The following RALGPS1 variants were observed in gnomAD, a reference collection of about 807,000 sequenced individuals.
RALGPS1 encodes ras-specific guanine nucleotide-releasing factor RalGPS1.
A neutral mutation model predicts 78.8 loss-of-function variants in RALGPS1; 19 were observed. The observed-to-expected ratio is 0.24, with a 90% CI of 0.17 to 0.35. The LOEUF is 0.35. Among genes scored for constraint, RALGPS1 ranks in the 10% least tolerant of loss-of-function variants. RALGPS1 has a pLI of 1.00. For missense variants in RALGPS1, 454 were observed against 688.3 expected, an observed-to-expected ratio of 0.66 and a Z score of 3.81; for synonymous variants, 228 against 256.3, an observed-to-expected ratio of 0.89 and a Z score of 1.06.
intron 11 of RALGPS1, among the ~76,000 whole-genome samples, chr9:127,193,462 G>A (rs1028216635): frequency 6.6e-6 from 1 of 152,146 alleles, no homozygotes; most frequent in Non-Finnish European, 1.5e-5. Context: ...TTGGGAAGGA[G>A]GGGGGACAGC....
chr9:126,960,040 G>A lies in RALGPS1; in HGVS notation c.-65-2185G>A, dbSNP rs185152156. 6.6e-5 allele frequency among the ~76,000 whole-genome samples: 10 copies of A among 152,264 alleles called. No individual in the cohort carries two copies. The East Asian group carries it at 1.7e-3, about 26-fold the overall frequency. ...TAACTGAAGTGGATATATTGTATTG[G>A]AGCAACTTTGAGGGATGAGAGAAGA... On this transcript the variant is annotated intron_variant, in intron 1 of 18. Transcript: ENST00000259351.
chr9:126,954,279 T>C (rs1018724469), intron 1 of RALGPS1, among the ~76,000 whole-genome samples: 3 of 152,088 alleles, frequency 2.0e-5, no homozygotes, highest in Non-Finnish European at 4.4e-5. Flanking sequence ...TCTCTTCTTT[T>C]CCCCCTGCAT....
chr9:127,141,420 C>T (rs2057763979), intron 8 of RALGPS1, among the ~76,000 whole-genome samples: 2 of 152,118 alleles, frequency 1.3e-5, no homozygotes, highest in Non-Finnish European at 2.9e-5. Flanking sequence ...CTAGCCATCT[C>T]GCTTTCCTTG....
At chr9:127,187,977 C>G (rs1372025153) in intron 11 of RALGPS1, among the ~76,000 whole-genome samples, 1 of 151,912 alleles carries the variant, frequency 6.6e-6, no homozygotes. Context: ...GAATCAACCT[C>G]CAGGGGTGGC....
rs578087485 is a variant in RALGPS1, at chr9:127,063,851, A to G, written c.484-5379A>G. On this transcript the variant is annotated intron_variant, in intron 7 of 18. Coordinates refer to ENST00000259351, the MANE Select transcript of RALGPS1 (RefSeq NM_014636.3). ...CTTTTATTTGGTCTTTTGCCCAAGA[A>G]TTATTTGAATATTCAAAATTTTCCA... Among the ~76,000 whole-genome samples, 45 of 152,362 alleles carry G rather than the reference A, an allele frequency of 3.0e-4. 1 individual carries two copies. The highest frequency in any genetic ancestry group is 2.9e-3 in the Admixed American group (45 of 15,306).
intron 1 of RALGPS1, among the ~76,000 whole-genome samples, chr9:126,920,452 C>A (rs2034637529): frequency 6.6e-6 from 1 of 152,120 alleles, no homozygotes; most frequent in African/African-American, 2.4e-5. Context: ...GAAAAATGGA[C>A]AAGTCTGGAA....
At chr9:126,957,604 TA>T (rs1280138603) in intron 1 of RALGPS1, among the ~76,000 whole-genome samples, 3 of 152,194 alleles carry the variant, frequency 2.0e-5, no homozygotes, top group Non-Finnish European at 4.4e-5. Flanking sequence ...TGTTCTGGCT[TA>T]GAACAGACAG....
intron 8 of RALGPS1, among the ~76,000 whole-genome samples, chr9:127,113,708 T>C (rs1323557213): frequency 1.3e-5 from 2 of 152,256 alleles, no homozygotes; most frequent in African/African-American, 2.4e-5. Flanking sequence ...GCATGGGTTT[T>C]CCCTCCCCAC....
At chr9:127,127,387 A>C (rs1444427524) in intron 8 of RALGPS1, among the ~76,000 whole-genome samples, 1 of 152,196 alleles carries the variant, frequency 6.6e-6, no homozygotes, top group African/African-American at 2.4e-5. Flanking sequence ...CCTCCATTTC[A>C]GGAACTGGAA....
intron 7 of RALGPS1, among the ~76,000 whole-genome samples, chr9:127,059,416 A>G (rs2135570238): frequency 6.6e-6 from 1 of 152,298 alleles, no homozygotes; most frequent in Admixed American, 6.5e-5. Flanking sequence ...ATCTCAGTCA[A>G]ATCTGCTGAC....
intron 4 of RALGPS1, chr9:127,016,922 CAGTT>C (rs1184247831): frequency 8.5e-5 from 13 of 152,116 alleles, no homozygotes; most frequent in African/African-American, 3.1e-4. Flanking sequence ...CTTTTTACAT[CAGTT>C]AGAGCTGTGT....
intron 6 of RALGPS1, among the ~76,000 whole-genome samples, chr9:127,051,161 C>T (rs954224083): frequency 1.3e-5 from 2 of 152,210 alleles, no homozygotes; most frequent in African/African-American, 4.8e-5. Flanking sequence ...ATGCATTCTC[C>T]TGAAGTACTT....
chr9:127,169,884 G>T (rs1384083408), intron 10 of RALGPS1, among the ~76,000 whole-genome samples: 1 of 152,208 alleles, frequency 6.6e-6, no homozygotes, highest in Non-Finnish European at 1.5e-5. Context: ...GCTAGGCTAA[G>T]CTATGGTGTT....
chr9:127,142,164 C>A (rs145124870), intron 8 of RALGPS1, among the ~76,000 whole-genome samples: 1 of 152,152 alleles, frequency 6.6e-6, no homozygotes, highest in African/African-American at 2.4e-5. Context: ...CTAGATGCCT[C>A]GTCACATCAT....
chr9:126,998,772 T>A (rs1197621149), intron 4 of RALGPS1, among the ~76,000 whole-genome samples: 2 of 151,920 alleles, frequency 1.3e-5, no homozygotes, highest in Non-Finnish European at 2.9e-5. Context: ...CCAACCTAAA[T>A]GTCCAACAAC....
chr9:126,948,452 C>G (rs2037489579), intron 1 of RALGPS1, among the ~76,000 whole-genome samples: 1 of 152,128 alleles, frequency 6.6e-6, no homozygotes, highest in South Asian at 2.1e-4. Context: ...ACCTGGGAGG[C>G]AGAGGTTGCA....
intron 8 of RALGPS1, among the ~76,000 whole-genome samples, chr9:127,080,123 A>G (rs189691122): frequency 1.1e-4 from 17 of 152,294 alleles, no homozygotes; most frequent in East Asian, 9.6e-4. Flanking sequence ...TTGCAGTTCT[A>G]TGAGAAAGAT....
intron 8 of RALGPS1, among the ~76,000 whole-genome samples, chr9:127,113,788 G>A (rs1328989914): frequency 1.3e-5 from 2 of 152,212 alleles, no homozygotes; most frequent in African/African-American, 2.4e-5. Context: ...CCAGGGCTTG[G>A]GTCCCACCCA....
intron 4 of RALGPS1, among the ~76,000 whole-genome samples, chr9:126,989,300 G>A (rs185656602): frequency 6.6e-6 from 1 of 152,292 alleles, no homozygotes; most frequent in Admixed American, 6.5e-5. Flanking sequence ...GAGGCATGGG[G>A]GCACCCAGAA....
Sources: gnomAD v4.1 joint callset for allele counts (sites outside exome capture counted in the v4.1 genomes callset) on GRCh38, gnomAD v4.1.1 for gene constraint, MANE v1.5 for transcripts, NCBI Gene and HGNC (gene_info 2026-07-23, HGNC 2026-07-21) for gene names.